Variants in EML1 observed in about 807,000 individuals in gnomAD.
EML1 encodes the protein echinoderm microtubule-associated protein-like 1.
EML1 carries 27 observed loss-of-function variants against 110.4 expected under a neutral mutation model. That is an observed-to-expected ratio of 0.24 (90% CI 0.18 to 0.34). The LOEUF (loss-of-function observed/expected upper bound fraction) is 0.34, where lower values mean the gene tolerates loss of function less well. Ranked by LOEUF, EML1 falls within the 10% of genes least tolerant of loss-of-function variation. The probability of loss-of-function intolerance (pLI) is 1.00; values close to 1 mark genes in which losing one functional copy is unlikely to be tolerated. For missense variants in EML1, 741 were observed against 1,030.9 expected (o/e 0.72, Z 3.85); for synonymous variants, 344 against 385.8 (o/e 0.89, Z 1.27).
upstream of EML1, among the ~76,000 whole-genome samples, chr14:99,788,664 C>T (rs775756168): frequency 8.5e-5 from 13 of 152,102 alleles, no homozygotes; most frequent in East Asian, 1.9e-4. Context: ...TGTACACACA[C>T]GACATAAAAG....
chr14:99,873,617 C>G (rs1264140777), intron 3 of EML1, among the ~76,000 whole-genome samples: 2 of 152,160 alleles, frequency 1.3e-5, no homozygotes, highest in Non-Finnish European at 2.9e-5. Context: ...ATGGTTCTCC[C>G]CACTAGCTCG....
intron 1 of EML1, among the ~76,000 whole-genome samples, chr14:99,738,722 A>C (rs1406843289): frequency 6.6e-6 from 1 of 152,206 alleles, no homozygotes; most frequent in Non-Finnish European, 1.5e-5. Context: ...ATATTGTGTG[A>C]AAGCGCCTGT....
chr14:99,787,716 C>A (rs2057616514), intron 1 of EML1, among the ~76,000 whole-genome samples: 1 of 152,152 alleles, frequency 6.6e-6, no homozygotes, highest in African/African-American at 2.4e-5. Context: ...CAGGTGTGGG[C>A]AGGGCTGGAT....
chr14:99,740,116 G>A (rs926868209), intron 1 of EML1, among the ~76,000 whole-genome samples: 3 of 152,186 alleles, frequency 2.0e-5, no homozygotes, highest in African/African-American at 7.2e-5. Context: ...GCAACCTAGA[G>A]AGGGAGATGA....
intron 2 of EML1, among the ~76,000 whole-genome samples, chr14:99,853,058 T>A (rs1026099723): frequency 4.6e-5 from 7 of 152,214 alleles, no homozygotes; most frequent in Non-Finnish European, 8.8e-5. Context: ...TTCCTTATTT[T>A]TAGAAAACTA....
At position 99,750,194 on chromosome 14, in the gene EML1, C is replaced by T. The variant is rs558372876; in HGVS notation, c.28+12334C>T. On this transcript the variant is annotated intron_variant, in intron 1 of 10. Coordinates refer to the EML1 transcript ENST00000554479. ...TAACAGCAGGCTCACTAGGTTGCCC[C>T]GGAGGGAACAATTCACGTTCCATGC... Among the ~76,000 whole-genome samples, 10 of 152,312 alleles carry T rather than the reference C, an allele frequency of 6.6e-5. No homozygotes were observed. The South Asian group carries it at 8.3e-4, about 13-fold the overall frequency.
chr14:99,793,096 C>A (rs934851290), upstream of EML1, among the ~76,000 whole-genome samples: 3 of 150,978 alleles, frequency 2.0e-5, no homozygotes, highest in African/African-American at 7.3e-5. Context: ...CCTGAGCCCC[C>A]GTGCGCGGAG....
Position 99,936,077 on chromosome 14 carries a change from A to G in EML1, c.1958A>G (p.Tyr653Cys). 6.2e-7 allele frequency: 1 copy of G among 1,614,184 alleles called. No individual in the cohort carries two copies. Among genetic ancestry groups the G allele is most frequent in the Non-Finnish European group, 8.5e-7 (1 of 1,180,044 alleles). ...IGSHDNCIYI[Y>C]GVSDNGRKYT... Reference sequence around the variant, plus strand: ...TCACATGACAACTGCATCTATATATATGGCGTTAGTGACAACGGGAGGAAG... The same window carrying G: ...TCACATGACAACTGCATCTATATATGTGGCGTTAGTGACAACGGGAGGAAG... The change falls in exon 18 of 22, where the codon TAT (tyrosine) becomes TGT (cysteine). Residue 653 changes from tyrosine (Y) to cysteine (C), a missense_variant. Tyr to Cys is a radical substitution (Grantham distance 194). Coordinates refer to ENST00000262233, the MANE Select transcript of EML1 (RefSeq NM_004434.3). This position sits in a 1 kb window ranked among gnomAD's most constrained non-coding sequence, Gnocchi z 5.5.
rs891258688 is a variant in EML1, at chr14:99,939,874, G to A, written c.2323-113G>A. The A allele has an allele frequency of 3.0e-6, 4 of 1,337,402 alleles. No individual in the cohort carries two copies. Among genetic ancestry groups the A allele is most frequent in the Middle Eastern group, 1.9e-4 (1 of 5,190 alleles). The allele number at this position is 1,337,402 out of a possible 1,614,324, so 82.8% of individuals were successfully genotyped here. ...AGCAGGTTCCCAAGTGAGAGCTGCC[G>A]AGCGGAGGGCGAGTAAAGGAATTAA... On this transcript the variant is annotated intron_variant, in intron 21 of 21. Transcript: ENST00000262233. This position sits in a 1 kb window ranked among gnomAD's most constrained non-coding sequence, Gnocchi z 4.2.
In EML1 at chr14:99,793,493, C is replaced by T. The variant is rs1262642665; in HGVS notation, c.17C>T (p.Ser6Phe). 2 of 1,055,254 alleles carry T rather than the reference C, an allele frequency of 1.9e-6. No individual in the cohort carries two copies. Among genetic ancestry groups the T allele is most frequent in the Non-Finnish European group, 2.3e-6 (2 of 871,510 alleles). 65.4% of individuals were successfully genotyped at this position (1,055,254 alleles called of 1,614,324 possible). The change falls in exon 1 of 22, where the codon TCC becomes TTC. Residue 6 changes from serine (S) to phenylalanine (F), a missense_variant. By Grantham distance (155) the Ser-to-Phe change is radical. This residue lies in a region of EML1 where 226 missense variants were observed against 255.6 expected (regional missense o/e 0.88). Coordinates refer to ENST00000262233, the MANE Select transcript of EML1 (RefSeq NM_004434.3). The part of the protein sequence containing the change: MEDGF[S>F]SYSSLYDTSS... ...GGCCTCAGCATGGAGGACGGCTTCT[C>T]CAGCTACAGCAGCCTGTACGACACG...
upstream of EML1, among the ~76,000 whole-genome samples, chr14:99,788,581 C>T (rs990825559): frequency 6.6e-5 from 10 of 152,158 alleles, no homozygotes; most frequent in Admixed American, 5.9e-4. Context: ...TGAATAGCCA[C>T]TGCACTCCAA....
At chr14:99,887,218 T>A (rs1049781162) in intron 4 of EML1, among the ~76,000 whole-genome samples, 14 of 152,336 alleles carry the variant, frequency 9.2e-5, no homozygotes, top group African/African-American at 3.4e-4. Context: ...ATATCTTATA[T>A]CAGCTCTCGA....
intron 19 of EML1, among the ~76,000 whole-genome samples, chr14:99,937,202 A>G (rs1456335006): frequency 2.6e-5 from 4 of 152,140 alleles, no homozygotes; most frequent in African/African-American, 9.7e-5. Flanking sequence ...GTGTACCGAG[A>G]CTGAGCTCGC....
chr14:99,915,871 A>C (rs1156869566), intron 15 of EML1, among the ~76,000 whole-genome samples: 1 of 152,136 alleles, frequency 6.6e-6, no homozygotes, highest in Non-Finnish European at 1.5e-5. Flanking sequence ...CCATAGAGTT[A>C]CTGGCATGTC....
chr14:99,864,883 T>C (rs1429362542), intron 2 of EML1, among the ~76,000 whole-genome samples: 1 of 152,126 alleles, frequency 6.6e-6, no homozygotes, highest in African/African-American at 2.4e-5. Flanking sequence ...GCTGCTGGTG[T>C]TTCAAAATTC....
chr14:99,850,018 T>G (rs1431664738), intron 1 of EML1: 1 of 308,252 alleles, frequency 3.2e-6, no homozygotes, highest in East Asian at 8.6e-5. Flanking sequence ...AGCCTTGACC[T>G]CTCGGGCCCC....
chr14:99,832,940 T>C (rs2058484131), intron 1 of EML1, among the ~76,000 whole-genome samples: 9 of 152,324 alleles, frequency 5.9e-5, no homozygotes, highest in South Asian at 2.1e-4. Context: ...ATGTGTCGGT[T>C]CTTACATGGG....
chr14:99,756,457 G>A (rs2057256164), intron 1 of EML1, among the ~76,000 whole-genome samples: 2 of 152,216 alleles, frequency 1.3e-5, no homozygotes, highest in South Asian at 4.1e-4. Context: ...TCTGTCTGGG[G>A]TTCCCACAGT....
chr14:99,900,418 C>T (rs997940703), intron 8 of EML1, among the ~76,000 whole-genome samples: 3 of 151,908 alleles, frequency 2.0e-5, no homozygotes, highest in Admixed American at 6.6e-5. Flanking sequence ...AACTCCTGAC[C>T]TCAGGCGATC....
Sources: allele counts gnomAD v4.1 joint callset (sites outside exome capture counted in the v4.1 genomes callset), GRCh38; gene constraint gnomAD v4.1.1; regional missense constraint gnomAD v4.1.1; non-coding constraint Gnocchi (gnomAD v3.1); transcripts MANE v1.5; gene names NCBI Gene and HGNC (gene_info 2026-07-23, HGNC 2026-07-21).